SLC6A4: variants seen among roughly 807,000 people sequenced by gnomAD.
SLC6A4 encodes sodium-dependent serotonin transporter.
Under a neutral mutation model 73.4 loss-of-function variants are expected in SLC6A4, and 22 were observed. The ratio of observed to expected loss-of-function variants is 0.30; its 90% confidence interval spans 0.21 to 0.43. SLC6A4 has a LOEUF of 0.43. Among genes scored for constraint, SLC6A4 ranks in the 20% least tolerant of loss-of-function variants. The probability of loss-of-function intolerance (pLI) is 1.00; values close to 1 mark genes in which losing one functional copy is unlikely to be tolerated. For synonymous variants in SLC6A4, 270 were observed against 315.5 expected, an observed-to-expected ratio of 0.86 and a Z score of 1.53; for missense variants, 593 against 808.5, an observed-to-expected ratio of 0.73 and a Z score of 3.23.
chr17:30,210,734 T>C lies in SLC6A4; in HGVS notation c.1318-88A>G, dbSNP rs1906360747. The C allele has an allele frequency of 2.8e-6, 4 of 1,438,842 alleles. No homozygotes were observed. In the Admixed American group the frequency reaches 9.0e-5, roughly 32 times the overall value. 89.1% of individuals were successfully genotyped at this position (1,438,842 alleles called of 1,614,324 possible). A position where few individuals can be genotyped will look rare whatever the true frequency, so the allele number is the denominator to read the frequency against. ...AGTGAACAGGAGGGAGGGGTAAGGT[T>C]GCTAAGTGACTGGTCAAGCTGATCA... On this transcript the variant is annotated intron_variant, in intron 10 of 14. Coordinates refer to ENST00000650711, the MANE Select transcript of SLC6A4 (RefSeq NM_001045.6).
chr17:30,209,244 T>C lies in SLC6A4; in HGVS notation c.1450-2A>G. 1 of 1,594,672 alleles carries C rather than the reference T, an allele frequency of 6.3e-7. No homozygotes were observed. Among genetic ancestry groups the C allele is most frequent in the Non-Finnish European group, 8.6e-7 (1 of 1,163,248 alleles). On this transcript the variant is annotated splice_acceptor_variant, in intron 11 of 14. Transcript: ENST00000650711. LOFTEE classifies it high-confidence loss of function. ...CAGCTTCACCACGTAGGCCCCTCCC[T>C]GGAGGGGAGAGCAGAGCCTGGGTGA...
At position 30,222,053 on chromosome 17, in the gene SLC6A4, TCGTCGGGATTGACA is replaced by T. The variant is rs777278411; in HGVS notation, c.-109_-96del. ...TTGTGGATCACCTCCGAGCTCTCTA[TCGTCGGGATTGACA>T]CGTCGGGATTGACTCTGTTGGAAAG... On this transcript the variant is annotated 5_prime_UTR_variant, in exon 3 of 15. An upstream open reading frame in the 5' UTR gains an earlier in-frame stop. Coordinates refer to ENST00000650711, the MANE Select transcript of SLC6A4 (RefSeq NM_001045.6). The T allele has an allele frequency of 1.3e-4, 200 of 1,590,542 alleles. No individual in the cohort carries two copies. The African/African-American group carries it at 1.3e-3, about 11-fold the overall frequency.
In SLC6A4 at chr17:30,224,719, G is replaced by A. The variant is rs557081302; in HGVS notation, c.-220-1804C>T. 1.1e-3 allele frequency among the ~76,000 whole-genome samples: 168 copies of A among 152,330 alleles called. 2 individuals are homozygous for A. Among genetic ancestry groups the A allele is most frequent in the Middle Eastern group, 0.01 (3 of 294 alleles). On this transcript the variant is annotated intron_variant, in intron 1 of 14. Transcript: ENST00000650711. The stretch of plus-strand genomic sequence containing the variant: ...AATAGACATTTAGCAGCAGCAGTGA[G>A]CAGTTACCCTCCTGCCTCAGGGGCC...
chr17:30,224,724 T>A (rs1252298266), intron 1 of SLC6A4, among the ~76,000 whole-genome samples: 1 of 152,212 alleles, frequency 6.6e-6, no homozygotes, highest in East Asian at 1.9e-4. Context: ...AGTGAGCAGT[T>A]ACCCTCCTGC....
In SLC6A4 at chr17:30,230,052, AAG is replaced by A. The variant is rs1361445854; in HGVS notation, c.-221+5559_-221+5560del. Among the ~76,000 whole-genome samples the A allele has an allele frequency of 6.4e-4, 54 of 84,558 alleles. 1 individual carries two copies. The highest frequency in any genetic ancestry group is 4.6e-3 in the Middle Eastern group (1 of 218). 55.5% of individuals were successfully genotyped at this position (84,558 alleles called of 152,430 possible). On this transcript the variant is annotated intron_variant, in intron 1 of 14. Transcript: ENST00000650711. ...AAGAAGAAGAAAAAGAAGAAAGAAG[AAG>A]AAGAAGAAGAAGAAGAAGAAGAAGA...
chr17:30,198,294 G>T lies in SLC6A4; in HGVS notation c.*162C>A. On this transcript the variant is annotated 3_prime_UTR_variant, in exon 15 of 15. Transcript: ENST00000650711. ...GGGAATCCATGGAAATAAGTGGCTG[G>T]AGGCCTTGAGTCTGGGCACCAGACT... 1 of 536,152 alleles carries T rather than the reference G, an allele frequency of 1.9e-6. No homozygotes were observed. The highest frequency in any genetic ancestry group is 3.1e-5 in the East Asian group (1 of 32,336). The allele number at this position is 536,152 out of a possible 1,614,324, so 33.2% of individuals were successfully genotyped here.
In SLC6A4 at chr17:30,211,638, T is replaced by A. The variant is rs1906389580; in HGVS notation, c.1205-214A>T. 6.6e-6 allele frequency among the ~76,000 whole-genome samples: 1 copy of A among 152,172 alleles called. No homozygotes were observed. The highest frequency in any genetic ancestry group is 2.4e-5 in the African/African-American group (1 of 41,438). ...GGAGGCAGGAAGGGTGGGGCTTCCA[T>A]CTTGAAAACTGTGTGCCCTCCATTA... On this transcript the variant is annotated intron_variant, in intron 9 of 14. Transcript: ENST00000650711. The surrounding 1 kb of genome is among the most constrained non-coding windows in gnomAD (Gnocchi z 4.0).
At chr17:30,219,472 T>C (rs1906681317) in intron 3 of SLC6A4, among the ~76,000 whole-genome samples, 1 of 152,212 alleles carries the variant, frequency 6.6e-6, no homozygotes, top group Non-Finnish European at 1.5e-5. Context: ...TGACAATCTG[T>C]AGCAACAGCT....
At chr17:30,204,257 G>A (rs890885933) in intron 13 of SLC6A4, 4 of 151,938 alleles carry the variant, frequency 2.6e-5, no homozygotes, top group African/African-American at 7.3e-5. Flanking sequence ...AAAGAAGACA[G>A]TAATGTGAAT....
chr17:30,228,365 T>C (rs1356058396), intron 1 of SLC6A4, among the ~76,000 whole-genome samples: 1 of 152,196 alleles, frequency 6.6e-6, no homozygotes, highest in Non-Finnish European at 1.5e-5. Context: ...TAAATGACAG[T>C]GAGTTGATGT....
chr17:30,202,643 A>G (rs1180514509), intron 14 of SLC6A4, among the ~76,000 whole-genome samples: 1 of 152,192 alleles, frequency 6.6e-6, no homozygotes. Flanking sequence ...CTGGCAAAAC[A>G]TTTTTACTCC....
chr17:30,218,694 A>C, intron 4 of SLC6A4, 103 bp downstream of exon 4: 4 of 1,228,458 alleles, frequency 3.3e-6, no homozygotes, highest in Non-Finnish European at 3.5e-6. Flanking sequence ...AGGGATGCCT[A>C]AGGCCTGACT....
chr17:30,210,726 G>A, intron 10 of SLC6A4, 80 bp from the exon 11 acceptor site: 3 of 1,477,644 alleles, frequency 2.0e-6, no homozygotes, highest in Non-Finnish European at 1.8e-6. Flanking sequence ...AGGAGGGAGG[G>A]GTAAGGTTGC....
intron 14 of SLC6A4, among the ~76,000 whole-genome samples, chr17:30,202,791 G>A (rs1458538583): frequency 6.6e-6 from 1 of 152,102 alleles, no homozygotes; most frequent in Non-Finnish European, 1.5e-5. Flanking sequence ...AAGTGACCAT[G>A]GACATTTCCC....
chr17:30,217,416 G>T, intron 5 of SLC6A4, 112 bp from the exon 6 acceptor site: 2 of 1,068,236 alleles, frequency 1.9e-6, no homozygotes, highest in African/African-American at 1.6e-5. Flanking sequence ...GTGCTGCTAG[G>T]ACCAAGTGGT....
rs1443264804 is a variant in SLC6A4 at position 30,207,772 on chromosome 17, C to T, written c.1610G>A (p.Trp537Ter). 1 of 1,614,084 alleles carries T rather than the reference C, an allele frequency of 6.2e-7. No homozygotes were observed. Among genetic ancestry groups the T allele is most frequent in the Non-Finnish European group, 8.5e-7 (1 of 1,179,984 alleles). The change falls in exon 13 of 15, where the codon TGG (tryptophan) becomes TAG (stop). Residue 537 changes from tryptophan to a stop codon, truncating the protein, a stop_gained. Coordinates refer to ENST00000650711, the MANE Select transcript of SLC6A4 (RefSeq NM_001045.6). LOFTEE classifies it high-confidence loss of function. ...GCTGATGGCCACCCAGCAGATCCTC[C>T]AGAACCACCCCGGGCTGAAGCCGAG... The part of the protein sequence containing the change: ...EMLGFSPGWF[W>*]RICWVAISPL...
At chr17:30,209,010 T>C in intron 12 of SLC6A4, 133 bp downstream of exon 12, 1 of 612,408 alleles carries the variant, frequency 1.6e-6, no homozygotes. Flanking sequence ...CCGAGACTCT[T>C]TTACAGACCC....
In SLC6A4 at chr17:30,195,414, C is replaced by T. The variant is rs1318710946; in HGVS notation, c.*3042G>A. On this transcript the variant is annotated 3_prime_UTR_variant, in exon 15 of 15. Transcript: ENST00000650711. Reference sequence around the variant, plus strand: ...TAGCTGGGATTACAGGAGCATGCCACCATGGCTGGCTAATTTTTGTATTTT... The same window carrying T: ...TAGCTGGGATTACAGGAGCATGCCATCATGGCTGGCTAATTTTTGTATTTT... The T allele has an allele frequency of 6.6e-6, 1 of 152,200 alleles. No homozygotes were observed. The highest frequency in any genetic ancestry group is 1.5e-5 in the Non-Finnish European group (1 of 68,062). 9.4% of individuals were successfully genotyped at this position (152,200 alleles called of 1,614,324 possible). A position where few individuals can be genotyped will look rare whatever the true frequency, so the allele number is the denominator to read the frequency against.
intron 7 of SLC6A4, 53 bp from the exon 8 acceptor site, chr17:30,215,767 C>T: frequency 6.6e-7 from 1 of 1,516,778 alleles, no homozygotes; most frequent in Non-Finnish European, 9.2e-7. Flanking sequence ...ACAGGCTTAC[C>T]CTGGCACCAA....
Sources: allele counts gnomAD v4.1 joint callset (sites outside exome capture counted in the v4.1 genomes callset), GRCh38; gene constraint gnomAD v4.1.1; non-coding constraint Gnocchi (gnomAD v3.1); transcripts MANE v1.5; gene names NCBI Gene and HGNC (gene_info 2026-07-23, HGNC 2026-07-21).